Variants in PDE4D observed in about 807,000 individuals in gnomAD.
PDE4D encodes 3',5'-cyclic-AMP phosphodiesterase 4D.
Under a neutral mutation model 87.4 loss-of-function variants are expected in PDE4D, and 24 were observed. The ratio of observed to expected loss-of-function variants is 0.27; its 90% CI spans 0.20 to 0.39. The LOEUF is 0.39. Among genes scored for constraint, PDE4D ranks in the 10% least tolerant of loss-of-function variants. The pLI is 1.00. For synonymous variants in PDE4D, 384 were observed against 383.2 expected, an observed-to-expected ratio of 1.00 and a Z score of -0.02; for missense variants, 714 against 1,041.0, an observed-to-expected ratio of 0.69 and a Z score of 4.32.
intron 1 of PDE4D, among the ~76,000 whole-genome samples, chr5:59,791,076 A>C (rs1765731408): frequency 6.6e-6 from 1 of 152,192 alleles, no homozygotes; most frequent in Non-Finnish European, 1.5e-5. Context: ...CAGAGTCCTG[A>C]CAGTACGTCC....
intron 1 of PDE4D, among the ~76,000 whole-genome samples, chr5:59,409,136 A>AGTC (rs577033723): frequency 6.7e-6 from 1 of 150,330 alleles, no homozygotes; most frequent in African/African-American, 2.4e-5. Flanking sequence ...TGACTAAGCG[A>AGTC]GACTCCATTT....
At chr5:59,741,402 C>A (rs878933448) in intron 1 of PDE4D, among the ~76,000 whole-genome samples, 1 of 152,030 alleles carries the variant, frequency 6.6e-6, no homozygotes, top group African/African-American at 2.4e-5. Context: ...TTTAAAAATT[C>A]TTGCAGTTTC....
At chr5:59,209,417 C>A (rs891070498) in intron 2 of PDE4D, among the ~76,000 whole-genome samples, 5 of 152,158 alleles carry the variant, frequency 3.3e-5, no homozygotes, top group African/African-American at 7.2e-5. Flanking sequence ...AACTCCTCAG[C>A]TCAAGCCATC....
At chr5:59,148,282 A>G (rs1293555900) in intron 5 of PDE4D, among the ~76,000 whole-genome samples, 2 of 152,218 alleles carry the variant, frequency 1.3e-5, no homozygotes, top group African/African-American at 4.8e-5. Flanking sequence ...ATTATATTGC[A>G]AAAGTGGGAA....
chr5:59,464,163 G>A (rs374677582), intron 1 of PDE4D, among the ~76,000 whole-genome samples: 3 of 152,176 alleles, frequency 2.0e-5, no homozygotes, highest in East Asian at 1.9e-4. Flanking sequence ...ATATGGCCTC[G>A]TGGGAAGGGA....
chr5:60,482,768 A>T (rs1340088143), intron 1 of PDE4D, among the ~76,000 whole-genome samples: 2 of 152,230 alleles, frequency 1.3e-5, no homozygotes, highest in Non-Finnish European at 2.9e-5. Context: ...AGCTCTGGAA[A>T]TGTATTTCCT....
At chr5:60,505,049 T>C (rs1331234341) in intron 1 of PDE4D, among the ~76,000 whole-genome samples, 1 of 152,202 alleles carries the variant, frequency 6.6e-6, no homozygotes, top group Non-Finnish European at 1.5e-5. Context: ...GTGTGCTTGA[T>C]TGATTATTCC....
rs370701238 is a variant in PDE4D at position 59,349,458 on chromosome 5, G to A, written c.456-133490C>T. On this transcript the variant is annotated intron_variant, in intron 1 of 14. Coordinates refer to ENST00000340635, the MANE Select transcript of PDE4D (RefSeq NM_001104631.2). ...TATTTGCTCTGCCCAGATCAGACAG[G>A]CTTTGATCCAGCTGCTCAGTCAAGG... Among the ~76,000 whole-genome samples, 19 of 152,168 alleles carry A rather than the reference G, an allele frequency of 1.2e-4. 1 individual carries two copies. The highest frequency in any genetic ancestry group is 4.1e-4 in the African/African-American group (17 of 41,522).
intron 1 of PDE4D, among the ~76,000 whole-genome samples, chr5:60,297,200 T>C (rs1753484278): frequency 6.6e-6 from 1 of 152,204 alleles, no homozygotes; most frequent in Non-Finnish European, 1.5e-5. Context: ...TTCAAAATAA[T>C]TTAAAAGCAA....
intron 2 of PDE4D, among the ~76,000 whole-genome samples, chr5:60,015,698 C>T (rs1056216935): frequency 6.6e-6 from 1 of 151,986 alleles, no homozygotes; most frequent in Non-Finnish European, 1.5e-5. Context: ...TGTGGATGGG[C>T]CTCACTCAAA....
chr5:59,144,897 G>T (rs943718791), intron 5 of PDE4D, among the ~76,000 whole-genome samples: 16 of 135,840 alleles, frequency 1.2e-4, no homozygotes, highest in South Asian at 5.6e-4. Context: ...TAATGGGGGG[G>T]GGGGGGGGAA....
rs937505915 is a variant in PDE4D, at chr5:59,009,661, A to G, written c.922-16196T>C. ...ATATCCTATATTATATAGTACATAT[A>G]TATTATAATTACACATTACCTATAT... On this transcript the variant is annotated intron_variant, in intron 6 of 14. Coordinates refer to ENST00000340635, the MANE Select transcript of PDE4D (RefSeq NM_001104631.2). Among the ~76,000 whole-genome samples, 3 of 152,084 alleles carry G rather than the reference A, an allele frequency of 2.0e-5. 1 individual carries two copies. Among genetic ancestry groups the G allele is most frequent in the Admixed American group, 2.0e-4 (3 of 15,260 alleles).
At chr5:60,182,311 T>C (rs1252975202) in intron 2 of PDE4D, among the ~76,000 whole-genome samples, 1 of 152,198 alleles carries the variant, frequency 6.6e-6, no homozygotes, top group Non-Finnish European at 1.5e-5. Flanking sequence ...ACCAGATCAT[T>C]TTCAGTGTTA....
chr5:59,636,546 CA>C (rs1832272701), intron 1 of PDE4D, among the ~76,000 whole-genome samples: 1 of 152,060 alleles, frequency 6.6e-6, no homozygotes, highest in Non-Finnish European at 1.5e-5. Context: ...CTACTGGTAC[CA>C]AAACAGGTAT....
chr5:60,140,512 A>T (rs986227832), intron 2 of PDE4D, among the ~76,000 whole-genome samples: 1 of 151,326 alleles, frequency 6.6e-6, no homozygotes, highest in Non-Finnish European at 1.5e-5. Context: ...AACATTTAAA[A>T]GAAAGAAAGA....
intron 1 of PDE4D, among the ~76,000 whole-genome samples, chr5:59,251,484 T>A (rs1054197819): frequency 1.3e-5 from 2 of 152,088 alleles, no homozygotes; most frequent in Non-Finnish European, 1.5e-5. Flanking sequence ...AGATACCATC[T>A]CATACCAGTC....
intron 1 of PDE4D, among the ~76,000 whole-genome samples, chr5:60,260,277 G>C (rs1037211296): frequency 6.6e-6 from 1 of 151,884 alleles, no homozygotes; most frequent in African/African-American, 2.4e-5. Context: ...TAAATTACCC[G>C]CCCAAAGTCA....
At chr5:59,558,822 AC>A (rs1461996390) in intron 1 of PDE4D, 2 of 152,222 alleles carry the variant, frequency 1.3e-5, no homozygotes, top group Non-Finnish European at 2.9e-5. Context: ...AAGGAAACTA[AC>A]TTTCACTGCA....
At chr5:60,061,764 G>A (rs1388070132) in intron 2 of PDE4D, among the ~76,000 whole-genome samples, 1 of 150,946 alleles carries the variant, frequency 6.6e-6, no homozygotes, top group Non-Finnish European at 1.5e-5. Flanking sequence ...AGAGACCTCA[G>A]ATATAAGACC....
Sources: allele counts gnomAD v4.1 joint callset (sites outside exome capture counted in the v4.1 genomes callset), GRCh38; gene constraint gnomAD v4.1.1; transcripts MANE v1.5; gene names NCBI Gene and HGNC (gene_info 2026-07-23, HGNC 2026-07-21).